BBS2: variants seen among roughly 807,000 people sequenced by gnomAD.
BBS2 encodes the protein BBSome complex member BBS2.
BBS2 carries 62 observed loss-of-function variants against 83.0 expected under a neutral mutation model. The observed-to-expected ratio is 0.75, with a 90% CI of 0.61 to 0.92. The LOEUF is 0.92. Among genes scored for constraint, BBS2 ranks in the 40% least tolerant of loss-of-function variants. The pLI is 0.00. For synonymous variants in BBS2, 303 were observed against 326.1 expected (o/e 0.93, Z 0.76); for missense variants, 784 against 901.0 (o/e 0.87, Z 1.66).
chr16:56,475,988 C>A, intron 17 of BBS2: 1 of 1,483,516 alleles, frequency 6.7e-7, no homozygotes, highest in Non-Finnish European at 9.2e-7. Context: ...GTTAATCATC[C>A]AAGATTTGAG....
rs1192804794 is a variant in BBS2 at position 56,502,331 on chromosome 16, C to G, written c.1066G>C (p.Glu356Gln). The G allele has an allele frequency of 3.1e-6, 5 of 1,614,082 alleles. No individual in the cohort carries two copies. In the African/African-American group the frequency reaches 6.7e-5, roughly 22 times the overall value. Residue 356 changes from glutamate to glutamine, a missense_variant, in exon 9 of 17, where the codon GAG becomes CAG. Transcript: ENST00000245157. The stretch of plus-strand genomic sequence containing the variant: ...CCTACACCTACCTTGGCATTTTCCT[C>G]ATAGTTACGGAGTTCCAGCAACAGA... ...QNLLLELRNY[E>Q]ENAKAELASP...
intron 1 of BBS2, chr16:56,519,504 G>A: frequency 1.9e-6 from 1 of 536,438 alleles, no homozygotes; most frequent in Non-Finnish European, 3.4e-6. Flanking sequence ...CTATGTCCAG[G>A]GACCCCGACC....
chr16:56,474,853 G>A lies in BBS2; in HGVS notation c.*1-4158C>T, dbSNP rs28421249. 3.4e-3 allele frequency: 5,556 copies of A among 1,612,734 alleles called. 156 individuals are homozygous for A. The African/African-American group carries it at 0.065, about 19-fold the overall frequency. ...AATCAAGTGTTCCCATGTGCCAAGG[G>A]GAACTGAGGCATTGGAAGACCGGTC... On this transcript the variant is annotated intron_variant, in intron 17 of 17. Coordinates refer to the BBS2 transcript ENST00000682047.
intron 1 of BBS2, among the ~76,000 whole-genome samples, chr16:56,517,095 T>C (rs1964771488): frequency 6.6e-6 from 1 of 152,060 alleles, no homozygotes; most frequent in Non-Finnish European, 1.5e-5. Context: ...AGGGCTGCCC[T>C]AGGGACCTCT....
chr16:56,496,707 G>C (rs1351452843), intron 15 of BBS2, among the ~76,000 whole-genome samples: 2 of 152,126 alleles, frequency 1.3e-5, no homozygotes, highest in African/African-American at 4.8e-5. Flanking sequence ...TATAAACAAT[G>C]CCTTTACAAA....
chr16:56,484,914 A>G (rs1162151790), intron 16 of BBS2, 47 bp from the exon 17 acceptor site: 2 of 1,425,330 alleles, frequency 1.4e-6, no homozygotes, highest in Non-Finnish European at 2.0e-6. Flanking sequence ...TAGACATGAA[A>G]TTATAAAATT....
rs10699522 is a variant in BBS2, at chr16:56,518,914, G to GTA, written c.117+830_117+831dup. Among the ~76,000 whole-genome samples the GTA allele has an allele frequency of 3.6e-3, 545 of 152,298 alleles. 5 individuals are homozygous for GTA. The highest frequency in any genetic ancestry group is 0.013 in the African/African-American group (531 of 41,572). ...ACATCTTGCCCAGTAATCGCACATA[G>GTA]TAAACACCTAATACTTAGTGAATAA... is the stretch of plus-strand genomic sequence containing the variant. On this transcript the variant is annotated intron_variant, in intron 1 of 16. Transcript: ENST00000245157.
Position 56,501,368 on chromosome 16 carries a change from T to C in BBS2, c.1210A>G (p.Ile404Val), listed in dbSNP as rs1964266994. The C allele has an allele frequency of 1.2e-6, 2 of 1,613,710 alleles. No individual in the cohort carries two copies. Among genetic ancestry groups the C allele is most frequent in the African/African-American group, 2.7e-5 (2 of 74,858 alleles). ...ACTGTCTTACCATTAGAAGTGGAAATGCGTAATTCTGTATGAGCAGTTTGG... is the reference window on the plus strand; with the variant it reads ...ACTGTCTTACCATTAGAAGTGGAAACGCGTAATTCTGTATGAGCAGTTTGG... ...ETQTAHTELR[I>V]STSNDTIIRA... Residue 404 changes from isoleucine to valine, a missense_variant, in exon 10 of 17, where the codon ATT becomes GTT. Transcript: ENST00000245157.
At position 56,511,271 on chromosome 16, in the gene BBS2, G is replaced by A; in HGVS notation, c.359C>T (p.Ala120Val). The change falls in exon 3 of 17, where the codon GCA becomes GTA. Residue 120 changes from alanine to valine, a missense_variant. Transcript: ENST00000245157. Reference protein sequence around the residue: ...DLFYREVADGANAIVLGTLGD... With the variant: ...DLFYREVADGVNAIVLGTLGD... ...CAATGTCCCCAGCACAATTGCATTT[G>A]CCCCATCTGCTACCTAAGAAAAGTA... The A allele has an allele frequency of 6.2e-7, 1 of 1,613,980 alleles. No homozygotes were observed. Among genetic ancestry groups the A allele is most frequent in the Non-Finnish European group, 8.5e-7 (1 of 1,179,962 alleles).
At chr16:56,476,291 T>G (rs544093374) in intron 17 of BBS2, 1 of 1,280,360 alleles carries the variant, frequency 7.8e-7, no homozygotes, top group East Asian at 2.4e-5. Context: ...CAAGGAGAAC[T>G]ACATGGTAGC....
At chr16:56,500,016 G>A in intron 11 of BBS2, 109 bp from the exon 12 acceptor site, 4 of 1,376,550 alleles carry the variant, frequency 2.9e-6, no homozygotes, top group Non-Finnish European at 3.1e-6. Context: ...GATATTTAAG[G>A]GTTTCACTTA....
intron 7 of BBS2, among the ~76,000 whole-genome samples, chr16:56,504,471 T>G (rs1052732896): frequency 6.6e-6 from 1 of 152,242 alleles, no homozygotes; most frequent in Non-Finnish European, 1.5e-5. Context: ...TCAAATGACA[T>G]ACAAAAGACA....
chr16:56,496,875 T>C, intron 15 of BBS2, 92 bp downstream of exon 15: 1 of 975,180 alleles, frequency 1.0e-6, no homozygotes, highest in African/African-American at 1.6e-5. Context: ...ACTGTAACAA[T>C]TTATACTTCT....
At chr16:56,479,388 C>T (rs1017461088), downstream of BBS2, among the ~76,000 whole-genome samples, 2 of 152,106 alleles carry the variant, frequency 1.3e-5, no homozygotes, top group Non-Finnish European at 2.9e-5. Context: ...GCAGGAGAAT[C>T]GCTTGAACCC....
intron 17 of BBS2, chr16:56,474,762 C>T: frequency 7.5e-7 from 1 of 1,337,242 alleles, no homozygotes; most frequent in East Asian, 2.4e-5. Context: ...ATTATGATTC[C>T]CTTGCAATCC....
At position 56,496,954 on chromosome 16, in the gene BBS2, G is replaced by T; in HGVS notation, c.1910+13C>A. ...TTAACCCTGCACCTGTACTAACCATGACAAATACTCACATGTCCCTCATCA... is the reference window on the plus strand; with the variant it reads ...TTAACCCTGCACCTGTACTAACCATTACAAATACTCACATGTCCCTCATCA... On this transcript the variant is annotated intron_variant, in intron 15 of 16. Coordinates refer to ENST00000245157, the MANE Select transcript of BBS2 (RefSeq NM_031885.5). The T allele has an allele frequency of 6.3e-7, 1 of 1,592,760 alleles. No individual in the cohort carries two copies. The highest frequency in any genetic ancestry group is 8.6e-7 in the Non-Finnish European group (1 of 1,160,584).
downstream of BBS2, among the ~76,000 whole-genome samples, chr16:56,483,703 T>A (rs1597000431): frequency 1.0e-5 from 1 of 97,776 alleles, no homozygotes; most frequent in East Asian, 3.8e-4. Context: ...AATATCCACA[T>A]TTTTTTTTTT....
chr16:56,488,846 T>C (rs1188425191), intron 15 of BBS2, among the ~76,000 whole-genome samples: 1 of 152,174 alleles, frequency 6.6e-6, no homozygotes, highest in Admixed American at 6.5e-5. Flanking sequence ...ATCAATAGCA[T>C]ACAAAAAGAC....
At chr16:56,500,227 T>C (rs1490715822) in intron 11 of BBS2, 1 of 333,316 alleles carries the variant, frequency 3.0e-6, no homozygotes, top group African/African-American at 2.1e-5. Context: ...GACTGTAATA[T>C]AAAGGTGCAT....
Sources: gnomAD v4.1 joint callset for allele counts (sites outside exome capture counted in the v4.1 genomes callset) on GRCh38, gnomAD v4.1.1 for gene constraint, MANE v1.5 for transcripts, NCBI Gene and HGNC (gene_info 2026-07-23, HGNC 2026-07-21) for gene names.